The following CSGALNACT1 variants were observed in gnomAD, a reference collection of about 807,000 sequenced individuals.
The protein encoded by CSGALNACT1 is chondroitin sulfate N-acetylgalactosaminyltransferase 1.
A neutral mutation model predicts 51.0 loss-of-function variants in CSGALNACT1; 52 were observed. The observed-to-expected ratio is 1.02, with a 90% CI of 0.82 to 1.29. CSGALNACT1 has a LOEUF of 1.29. Among genes scored for constraint, CSGALNACT1 ranks in the 50% most tolerant of loss-of-function variants. CSGALNACT1 has a pLI of 0.00. For synonymous variants in CSGALNACT1, 341 were observed against 254.4 expected (o/e 1.34, Z -3.24); for missense variants, 935 against 679.2 (o/e 1.38, Z -4.19).
At chr8:19,612,560 T>C (rs1267913704) in intron 1 of CSGALNACT1, among the ~76,000 whole-genome samples, 3 of 152,070 alleles carry the variant, frequency 2.0e-5, no homozygotes, top group Non-Finnish European at 4.4e-5. Context: ...TTCCCTGTTC[T>C]GCTAGGCACT....
At chr8:19,734,334 C>T (rs2063849063) in intron 1 of CSGALNACT1, among the ~76,000 whole-genome samples, 1 of 152,144 alleles carries the variant, frequency 6.6e-6, no homozygotes, top group African/African-American at 2.4e-5. Context: ...TGAGTCTCAG[C>T]CAATCACAGC....
At chr8:19,407,027 C>G (rs2054347715) in intron 9 of CSGALNACT1, among the ~76,000 whole-genome samples, 1 of 152,110 alleles carries the variant, frequency 6.6e-6, no homozygotes, top group African/African-American at 2.4e-5. Flanking sequence ...TTTTAAATGT[C>G]CTTTTTGGGA....
intron 1 of CSGALNACT1, among the ~76,000 whole-genome samples, chr8:19,612,540 A>C (rs927817633): frequency 5.9e-5 from 9 of 152,050 alleles, no homozygotes; most frequent in African/African-American, 2.2e-4. Flanking sequence ...AGGGTCCCGC[A>C]ACCAGTGACT....
At chr8:19,495,749 T>A (rs1008410074) in intron 4 of CSGALNACT1, among the ~76,000 whole-genome samples, 1 of 152,188 alleles carries the variant, frequency 6.6e-6, no homozygotes, top group Non-Finnish European at 1.5e-5. Context: ...GTTTAAAGTC[T>A]TGGCTTTATT....
chr8:19,670,816 C>T (rs1564394967), intron 1 of CSGALNACT1, among the ~76,000 whole-genome samples: 1 of 152,140 alleles, frequency 6.6e-6, no homozygotes, highest in African/African-American at 2.4e-5. Context: ...TACTTGGCTT[C>T]CGGCACAAGT....
At chr8:19,457,676 C>A (rs547216761) in intron 5 of CSGALNACT1, 1 of 1,300,346 alleles carries the variant, frequency 7.7e-7, no homozygotes. Context: ...GTAGGATTTT[C>A]TATGTTTAAA....
chr8:19,540,088 T>A (rs918714186), intron 3 of CSGALNACT1, among the ~76,000 whole-genome samples: 1 of 152,140 alleles, frequency 6.6e-6, no homozygotes, highest in African/African-American at 2.4e-5. Flanking sequence ...CTAAACAACA[T>A]CATTCCAGTT....
chr8:19,653,813 C>A (rs991895413), intron 1 of CSGALNACT1, among the ~76,000 whole-genome samples: 1 of 147,166 alleles, frequency 6.8e-6, no homozygotes, highest in Admixed American at 6.8e-5. Flanking sequence ...AAAAAAAAAT[C>A]TTCAGCTGTA....
intron 3 of CSGALNACT1, among the ~76,000 whole-genome samples, chr8:19,545,819 A>G (rs576859042): frequency 1.2e-3 from 177 of 148,334 alleles, no homozygotes; most frequent in African/African-American, 4.1e-3. Context: ...ATATTAATAT[A>G]TGTATACATA....
intron 3 of CSGALNACT1, among the ~76,000 whole-genome samples, chr8:19,573,446 A>G (rs1214119723): frequency 6.9e-6 from 1 of 145,066 alleles, no homozygotes; most frequent in African/African-American, 2.5e-5. Flanking sequence ...AAATATTCCA[A>G]TTTTTTTTTT....
At chr8:19,594,569 G>T (rs2048491492) in intron 2 of CSGALNACT1, among the ~76,000 whole-genome samples, 1 of 152,062 alleles carries the variant, frequency 6.6e-6, no homozygotes, top group African/African-American at 2.4e-5. Flanking sequence ...CCAACTTTAG[G>T]TCGTGACTCA....
chr8:19,409,742 C>G (rs1459698796), intron 8 of CSGALNACT1, among the ~76,000 whole-genome samples: 1 of 152,184 alleles, frequency 6.6e-6, no homozygotes, highest in South Asian at 2.1e-4. Flanking sequence ...TTGGGGACAT[C>G]TGGTTCTGTT....
intron 3 of CSGALNACT1, among the ~76,000 whole-genome samples, chr8:19,529,259 T>A (rs542256343): frequency 1.4e-4 from 22 of 152,218 alleles, no homozygotes; most frequent in African/African-American, 5.3e-4. Flanking sequence ...TATGCAGAAA[T>A]TTTTCCAGAA....
chr8:19,622,483 A>T (rs1385204759), intron 1 of CSGALNACT1, among the ~76,000 whole-genome samples: 3 of 152,226 alleles, frequency 2.0e-5, no homozygotes, highest in Non-Finnish European at 4.4e-5. Context: ...ATTAAATTAT[A>T]TTTCAAAACA....
chr8:19,507,027 G>A (rs2077463209), intron 3 of CSGALNACT1, among the ~76,000 whole-genome samples: 1 of 152,180 alleles, frequency 6.6e-6, no homozygotes, highest in African/African-American at 2.4e-5. Flanking sequence ...AAAGAGGATC[G>A]ACATGGTTCT....
chr8:19,668,250 G>A (rs1353355230), intron 1 of CSGALNACT1, among the ~76,000 whole-genome samples: 4 of 152,108 alleles, frequency 2.6e-5, no homozygotes, highest in East Asian at 3.9e-4. Flanking sequence ...CATCTCTGCA[G>A]TCACCTCAGG....
chr8:19,672,991 T>A (rs1050155210), intron 1 of CSGALNACT1, among the ~76,000 whole-genome samples: 2 of 152,188 alleles, frequency 1.3e-5, no homozygotes, highest in African/African-American at 4.8e-5. Flanking sequence ...AGTCTCAACA[T>A]CCTCTTTCCA....
At chr8:19,658,034 G>A (rs1223476006) in intron 1 of CSGALNACT1, among the ~76,000 whole-genome samples, 1 of 114,342 alleles carries the variant, frequency 8.7e-6, no homozygotes, top group Non-Finnish European at 1.6e-5. Context: ...ACTCTAGACT[G>A]AATATGTGTG....
intron 5 of CSGALNACT1, chr8:19,457,916 G>C (rs953655046): frequency 2.7e-6 from 2 of 731,582 alleles, no homozygotes; most frequent in African/African-American, 1.8e-5. Flanking sequence ...AGATGATGCA[G>C]GTTACAATAA....
Sources: gnomAD v4.1 joint callset for allele counts (sites outside exome capture counted in the v4.1 genomes callset) on GRCh38, gnomAD v4.1.1 for gene constraint, MANE v1.5 for transcripts, NCBI Gene and HGNC (gene_info 2026-07-23, HGNC 2026-07-21) for gene names.